The following COPA variants were observed in gnomAD, a reference collection of about 807,000 sequenced individuals.
The protein encoded by COPA is coat protein complex I subunit alpha, also known as coatomer subunit alpha.
A neutral mutation model predicts 158.7 loss-of-function variants in COPA; 10 were observed. That is an observed-to-expected ratio of 0.06 (90% CI 0.04 to 0.11). The LOEUF is 0.11. COPA is among the 10% of genes least tolerant of loss of function. COPA has a pLI of 1.00. For missense variants in COPA, 1,065 were observed against 1,536.7 expected (o/e 0.69, Z 5.13); for synonymous variants, 462 against 542.8 (o/e 0.85, Z 2.07).
At chr1:160,338,838 T>C (rs1647903548) in intron 3 of COPA, among the ~76,000 whole-genome samples, 1 of 152,146 alleles carries the variant, frequency 6.6e-6, no homozygotes, top group African/African-American at 2.4e-5. Flanking sequence ...TAAATGATGG[T>C]CTGTCTTCTT....
intron 19 of COPA, 63 bp downstream of exon 19, chr1:160,298,782 C>G (rs1658496822): frequency 6.3e-6 from 10 of 1,584,880 alleles, no homozygotes; most frequent in Non-Finnish European, 8.6e-6. Flanking sequence ...AATGCCCTCC[C>G]AATGGCACTC....
intron 1 of COPA, among the ~76,000 whole-genome samples, chr1:160,340,940 A>G (rs1207694953): frequency 6.6e-6 from 1 of 152,200 alleles, no homozygotes; most frequent in East Asian, 1.9e-4. Context: ...CTCCTCAGAA[A>G]GACCAAGGGA....
intron 5 of COPA, 143 bp from the exon 6 acceptor site, chr1:160,332,700 A>G (rs1647587651): frequency 9.8e-6 from 5 of 509,998 alleles, no homozygotes; most frequent in South Asian, 3.3e-5. Context: ...CCAATTCTGA[A>G]CTAATAATAA....
intron 5 of COPA, 198 bp downstream of exon 5, chr1:160,333,405 T>C (rs1647620003): frequency 4.4e-6 from 2 of 451,954 alleles, no homozygotes; most frequent in Non-Finnish European, 7.8e-6. Flanking sequence ...GGTAAGAAAT[T>C]ATTGGAAGTC....
At chr1:160,340,805 TCAAA>T (rs1473769767) in intron 1 of COPA, among the ~76,000 whole-genome samples, 2 of 152,190 alleles carry the variant, frequency 1.3e-5, no homozygotes, top group Non-Finnish European at 2.9e-5. Flanking sequence ...AGATCAGTAC[TCAAA>T]CAAAGACCTG....
chr1:160,332,463 C>T lies in COPA; in HGVS notation c.481G>A (p.Val161Ile), dbSNP rs138387946. The change falls in exon 6 of 33, where the codon GTT (valine) becomes ATT (isoleucine). Residue 161 changes from valine (V) to isoleucine (I), a missense_variant. By Grantham distance (29) the Val-to-Ile change is conservative. Around this residue, in one of 2 missense-constraint regions of COPA, gnomAD observed 980 missense variants for 1,357.8 expected, o/e 0.72. Transcript: ENST00000241704. ...VSASLDQTVR[V>I]WDISGLRKKN... Reference sequence around the variant, plus strand: ...GGCAGCTCACCAGAAATATCCCAAACGCGCACAGTCTGGTCCAGGCTGGCT... The same window carrying T: ...GGCAGCTCACCAGAAATATCCCAAATGCGCACAGTCTGGTCCAGGCTGGCT... 45 of 1,611,638 alleles carry T rather than the reference C, an allele frequency of 2.8e-5. No homozygotes were observed. Among genetic ancestry groups the T allele is most frequent in the African/African-American group, 1.6e-4 (12 of 74,726 alleles).
At chr1:160,290,755 A>T (rs763734104) in intron 31 of COPA, 69 bp from the exon 32 acceptor site, 9 of 1,455,548 alleles carry the variant, frequency 6.2e-6, no homozygotes, top group Non-Finnish European at 4.8e-6. Flanking sequence ...TCCCAACACC[A>T]TGGTTTGGTA....
At chr1:160,294,723 C>T in intron 24 of COPA, 45 bp downstream of exon 24, 1 of 1,606,184 alleles carries the variant, frequency 6.2e-7, no homozygotes, top group Non-Finnish European at 8.5e-7. Flanking sequence ...AGTCCCAATC[C>T]AAGGTGTCCA....
At chr1:160,316,216 G>C (rs1335754774) in intron 8 of COPA, among the ~76,000 whole-genome samples, 2 of 152,102 alleles carry the variant, frequency 1.3e-5, no homozygotes, top group Non-Finnish European at 2.9e-5. Context: ...AAATTAGCCA[G>C]ACCTGGTGGT....
intron 8 of COPA, among the ~76,000 whole-genome samples, chr1:160,321,842 A>T (rs146526747): frequency 6.6e-6 from 1 of 152,310 alleles, no homozygotes; most frequent in Non-Finnish European, 1.5e-5. Context: ...AAAAAAATCA[A>T]GAAATCCCAT....
Position 160,294,974 on chromosome 1 carries a change from CTATTTATTTTTGTGTAT to C in COPA, c.2477-134_2477-118del, listed in dbSNP as rs1490362459. The C allele has an allele frequency of 2.8e-5, 21 of 745,320 alleles. No homozygotes were observed. The Admixed American group carries it at 3.0e-4, about 11-fold the overall frequency. The allele number at this position is 745,320 out of a possible 1,614,324, so 46.2% of individuals were successfully genotyped here. A position where few individuals can be genotyped will look rare whatever the true frequency, so the allele number is the denominator to read the frequency against. ...CAGGTGCCAAGCTTCTGCCTACTTACTATTTATTTTTGTGTATTATTTATTTTTGTGGTATATATGTT... is the reference window on the plus strand; with the variant it reads ...CAGGTGCCAAGCTTCTGCCTACTTACTATTTATTTTTGTGGTATATATGTT... On this transcript the variant is annotated intron_variant, in intron 23 of 32. Coordinates refer to ENST00000241704, the MANE Select transcript of COPA (RefSeq NM_004371.4).
intron 3 of COPA, among the ~76,000 whole-genome samples, chr1:160,336,004 C>A (rs1647743055): frequency 6.6e-6 from 1 of 150,526 alleles, no homozygotes; most frequent in Non-Finnish European, 1.5e-5. Flanking sequence ...CAAAATTGTG[C>A]TCTTGGCTTG....
In COPA at chr1:160,306,463, T is replaced by C. The variant is rs182089734; in HGVS notation, c.1333A>G (p.Thr445Ala). 1.2e-6 allele frequency: 2 copies of C among 1,614,232 alleles called. No homozygotes were observed. The highest frequency in any genetic ancestry group is 4.5e-5 in the East Asian group (2 of 44,892). Residue 445 changes from threonine (T) to alanine (A), a missense_variant, in exon 15 of 33, where the codon ACC becomes GCC. Transcript: ENST00000241704. Reference protein sequence around the residue: ...LLIKNLKNEITKKVQVPNCDE... With the variant: ...LLIKNLKNEIAKKVQVPNCDE... ...CAGTTGGGCACCTGTACCTTTTTGG[T>C]GATCTCATTCTTCAGATTCTTGATC...
chr1:160,316,006 T>C (rs888607897), intron 8 of COPA, among the ~76,000 whole-genome samples: 1 of 152,206 alleles, frequency 6.6e-6, no homozygotes, highest in Admixed American at 6.5e-5. Flanking sequence ...AGACTCTGAA[T>C]AGCAGACTGG....
At position 160,307,199 on chromosome 1, in the gene COPA, A is replaced by G; in HGVS notation, c.1266T>C (p.Ala422=). ...RSSGLTAVWV[A]RNRFAVLDRM... ...GATCTAGGACAGCAAACCGATTTCG[A>G]GCGACCCAAACGGCTGTCAGGCCTG... Residue 422 remains alanine (A), a synonymous_variant, in exon 14 of 33, where the codon GCT becomes GCC. Coordinates refer to ENST00000241704, the MANE Select transcript of COPA (RefSeq NM_004371.4). The G allele has an allele frequency of 6.2e-7, 1 of 1,614,192 alleles. No individual in the cohort carries two copies.
chr1:160,304,576 A>C (rs1299889746), intron 17 of COPA, among the ~76,000 whole-genome samples: 2 of 152,046 alleles, frequency 1.3e-5, no homozygotes, highest in African/African-American at 4.8e-5. Flanking sequence ...AGGCAGGAGA[A>C]TCACTTGAAC....
At chr1:160,305,849 C>T (rs1658769944) in intron 15 of COPA, 76 bp from the exon 16 acceptor site, 1 of 1,179,464 alleles carries the variant, frequency 8.5e-7, no homozygotes, top group Non-Finnish European at 1.3e-6. Context: ...ATCAATTGCA[C>T]CCTCTAATTA....
intron 25 of COPA, 95 bp downstream of exon 25, chr1:160,294,389 T>G (rs186623726): frequency 9.5e-7 from 1 of 1,047,344 alleles, no homozygotes; most frequent in Non-Finnish European, 1.5e-6. Context: ...GGGGATAGGA[T>G]AGGAGACCTG....
At chr1:160,317,655 A>C in intron 8 of COPA, 2 of 1,524,052 alleles carry the variant, frequency 1.3e-6, no homozygotes, top group Non-Finnish European at 1.8e-6. Context: ...TGGAGGAAGA[A>C]GATGTGATTG....
Sources: allele counts gnomAD v4.1 joint callset (sites outside exome capture counted in the v4.1 genomes callset), GRCh38; gene constraint gnomAD v4.1.1; regional missense constraint gnomAD v4.1.1; transcripts MANE v1.5; gene names NCBI Gene and HGNC (gene_info 2026-07-23, HGNC 2026-07-21).